Variants in CRB1 observed in about 807,000 individuals in gnomAD.
CRB1 encodes the protein protein crumbs homolog 1.
A neutral mutation model predicts 120.0 loss-of-function variants in CRB1; 83 were observed. The ratio of observed to expected loss-of-function variants is 0.69; its 90% CI spans 0.58 to 0.83. The LOEUF (loss-of-function observed/expected upper bound fraction) is 0.83. Among genes scored for constraint, CRB1 ranks in the 40% least tolerant of loss-of-function variants. The pLI is 0.00. For missense variants in CRB1, 1,699 were observed against 1,687.6 expected (o/e 1.01, Z -0.12); for synonymous variants, 625 against 612.5 (o/e 1.02, Z -0.30).
chr1:197,218,912 T>C, the CRB1 span, among the ~76,000 whole-genome samples: 1 of 152,104 alleles, frequency 6.6e-6, no homozygotes, highest in African/African-American at 2.4e-5. Context: ...AGTGAAGAAG[T>C]TAAGAGTTAG....
intron 5 of CRB1, among the ~76,000 whole-genome samples, chr1:197,412,939 A>T (rs1663787082): frequency 1.3e-5 from 2 of 152,092 alleles, no homozygotes; most frequent in African/African-American, 4.8e-5. Context: ...TATTTTTTTT[A>T]ACTTGGCATA....
chr1:197,267,566 A>G (rs1396350122), upstream of CRB1, among the ~76,000 whole-genome samples: 1 of 152,228 alleles, frequency 6.6e-6, no homozygotes, highest in East Asian at 1.9e-4. Context: ...CACTAACACC[A>G]ATTAGAAAAT....
intron 5 of CRB1, among the ~76,000 whole-genome samples, chr1:197,417,987 T>A (rs779526670): frequency 3.1e-4 from 47 of 151,996 alleles, no homozygotes; most frequent in Non-Finnish European, 6.0e-4. Flanking sequence ...TTTTTTTTTT[T>A]AAGAGATCGT....
At chr1:197,283,748 G>C (rs377194196) in intron 1 of CRB1, among the ~76,000 whole-genome samples, 6 of 151,198 alleles carry the variant, frequency 4.0e-5, no homozygotes, top group African/African-American at 1.5e-4. Flanking sequence ...TTTGTTATAG[G>C]TTCTACATTT....
intron 5 of CRB1, among the ~76,000 whole-genome samples, chr1:197,404,441 C>CAGA (rs751315170): frequency 1.7e-5 from 1 of 58,718 alleles, no homozygotes. Flanking sequence ...GACTCCGTCT[C>CAGA]AAAAAAAAAA....
chr1:197,410,326 A>G (rs1465885916), intron 5 of CRB1, among the ~76,000 whole-genome samples: 2 of 152,204 alleles, frequency 1.3e-5, no homozygotes, highest in Non-Finnish European at 2.9e-5. Flanking sequence ...AAACATAGAC[A>G]CTTTTAGGAC....
At chr1:197,255,537 T>C in the CRB1 span, among the ~76,000 whole-genome samples, 1 of 152,164 alleles carries the variant, frequency 6.6e-6, no homozygotes, top group Non-Finnish European at 1.5e-5. Context: ...ACATCCTAGT[T>C]GGAAATGAGC....
chr1:197,438,760 T>G, intron 10 of CRB1, 85 bp downstream of exon 10: 1 of 1,510,190 alleles, frequency 6.6e-7, no homozygotes, highest in Admixed American at 1.7e-5. Context: ...CCTCTAATTT[T>G]TTATCTCAGT....
intron 11 of CRB1, chr1:197,444,795 C>T (rs1665620176): frequency 6.6e-6 from 1 of 152,114 alleles, no homozygotes; most frequent in South Asian, 2.1e-4. Flanking sequence ...CATATTTGCA[C>T]AGAAAAATAA....
At chr1:197,272,025 G>A (rs536553384) in intron 1 of CRB1, among the ~76,000 whole-genome samples, 3 of 152,242 alleles carry the variant, frequency 2.0e-5, no homozygotes, top group South Asian at 4.1e-4. Context: ...CAATTATTAA[G>A]TAATTGATTT....
chr1:197,380,275 T>G (rs549061524), intron 5 of CRB1, among the ~76,000 whole-genome samples: 1 of 152,296 alleles, frequency 6.6e-6, no homozygotes, highest in South Asian at 2.1e-4. Flanking sequence ...TCTATTTATT[T>G]GAGTGAGTTT....
At chr1:197,469,458 C>G (rs543578028) in intron 11 of CRB1, among the ~76,000 whole-genome samples, 18 of 151,968 alleles carry the variant, frequency 1.2e-4, no homozygotes, top group Admixed American at 3.9e-4. Context: ...GAAATTAGAA[C>G]AGAATTGTAG....
At chr1:197,219,916 TC>T in the CRB1 span, among the ~76,000 whole-genome samples, 2 of 152,228 alleles carry the variant, frequency 1.3e-5, no homozygotes, top group Admixed American at 1.3e-4. Flanking sequence ...TTTTCATCCT[TC>T]CATGAGAAGA....
chr1:197,458,357 A>G (rs1014800506), intron 11 of CRB1, among the ~76,000 whole-genome samples: 8 of 152,030 alleles, frequency 5.3e-5, no homozygotes, highest in Non-Finnish European at 1.0e-4. Flanking sequence ...ACTAAAGCTT[A>G]TCTTTTTTTT....
Position 197,423,259 on chromosome 1 carries a change from G to A in CRB1, c.2128+1303G>A, listed in dbSNP as rs1664423646. 2.6e-5 allele frequency among the ~76,000 whole-genome samples: 4 copies of A among 152,282 alleles called. No homozygotes were observed. In the South Asian group the frequency reaches 8.3e-4, roughly 32 times the overall value. Reference sequence around the variant, plus strand: ...TAACTGTCCTAGTAAATAGATTCAAGAGATGCCAATCCACTGGGTTCTGGT... The same window carrying A: ...TAACTGTCCTAGTAAATAGATTCAAAAGATGCCAATCCACTGGGTTCTGGT... On this transcript the variant is annotated intron_variant, in intron 6 of 11. Transcript: ENST00000367400.
chr1:197,351,388 G>T (rs1014108190), intron 4 of CRB1, among the ~76,000 whole-genome samples: 57 of 145,504 alleles, frequency 3.9e-4, no homozygotes, highest in African/African-American at 1.4e-3. Context: ...AAAAAAAAAG[G>T]AGAAGAAAAG....
chr1:197,207,227 G>T, the CRB1 span, among the ~76,000 whole-genome samples: 5 of 151,530 alleles, frequency 3.3e-5, no homozygotes, highest in African/African-American at 1.2e-4. Flanking sequence ...TTACTATTGA[G>T]ATGTGAGGTA....
At chr1:197,381,916 T>A (rs1661976685) in intron 5 of CRB1, among the ~76,000 whole-genome samples, 1 of 152,174 alleles carries the variant, frequency 6.6e-6, no homozygotes, top group Admixed American at 6.6e-5. Flanking sequence ...AAGCAGTAAA[T>A]TCTTCCCTTG....
chr1:197,276,181 TC>T (rs1168291399), intron 1 of CRB1, among the ~76,000 whole-genome samples: 1 of 151,840 alleles, frequency 6.6e-6, no homozygotes, highest in Non-Finnish European at 1.5e-5. Flanking sequence ...TGGGATTCAG[TC>T]ATGCTGTATC....
Sources: allele counts gnomAD v4.1 joint callset (sites outside exome capture counted in the v4.1 genomes callset), GRCh38; gene constraint gnomAD v4.1.1; transcripts MANE v1.5; gene names NCBI Gene and HGNC (gene_info 2026-07-23, HGNC 2026-07-21).